The following PRIMPOL variants were observed in gnomAD, a reference collection of about 807,000 sequenced individuals.
PRIMPOL encodes primase and DNA directed polymerase, also known as DNA-directed primase/polymerase protein.
PRIMPOL carries 54 observed loss-of-function variants against 63.6 expected under a neutral mutation model. That is an observed-to-expected ratio of 0.85 (90% CI 0.68 to 1.07). The LOEUF (loss-of-function observed/expected upper bound fraction) is 1.07, where lower values mean the gene tolerates loss of function less well. Among genes scored for constraint, PRIMPOL ranks in the 50% least tolerant of loss-of-function variants. PRIMPOL has a pLI of 0.00. For synonymous variants in PRIMPOL, 197 were observed against 220.2 expected (o/e 0.89, Z 0.93); for missense variants, 610 against 648.3 (o/e 0.94, Z 0.64).
At chr4:184,653,843 A>G (rs951301853) in intron 2 of PRIMPOL, among the ~76,000 whole-genome samples, 1 of 152,210 alleles carries the variant, frequency 6.6e-6, no homozygotes, top group Non-Finnish European at 1.5e-5. Flanking sequence ...GGGATGAGGA[A>G]TGTGATAGTC....
rs560572245 is a variant in PRIMPOL, at chr4:184,678,388, A to T, written c.1001A>T (p.Asn334Ile). Residue 334 changes from asparagine to isoleucine, a missense_variant, in exon 8 of 14, where the codon AAT (asparagine) becomes ATT (isoleucine). Coordinates refer to ENST00000314970, the MANE Select transcript of PRIMPOL (RefSeq NM_152683.4). The part of the protein sequence containing the change: ...YQYFLSSLVS[N>I]VRFSDTLRIL... ...TATTTTCTCTCTTCTTTGGTCAGCA[A>T]TGTCAGGTATGTAGTAGCAGCATCA... 6.2e-7 allele frequency: 1 copy of T among 1,602,428 alleles called. No homozygotes were observed. The highest frequency in any genetic ancestry group is 1.7e-5 in the Admixed American group (1 of 57,670).
chr4:184,672,213 G>T lies in PRIMPOL; in HGVS notation c.597G>T (p.Leu199Phe). 6.2e-7 allele frequency: 1 copy of T among 1,612,572 alleles called. No homozygotes were observed. Among genetic ancestry groups the T allele is most frequent in the African/African-American group, 1.3e-5 (1 of 74,820 alleles). ...LRKILQPALDLLGSEDDDSAP... is the reference protein window; with the variant it reads ...LRKILQPALDFLGSEDDDSAP... ...AAATTTTGCAGCCTGCTCTTGACTT[G>T]CTTGGCAGTGAAGATGATGATAGCG... The change falls in exon 7 of 14, where the codon TTG (leucine) becomes TTT (phenylalanine). Residue 199 changes from leucine (L) to phenylalanine (F), a missense_variant. Around this residue, in one of 3 missense-constraint regions of PRIMPOL, gnomAD observed 444 missense variants for 456.4 expected, o/e 0.97. Coordinates refer to ENST00000314970, the MANE Select transcript of PRIMPOL (RefSeq NM_152683.4).
At chr4:184,690,969 A>G (rs913604687) in intron 11 of PRIMPOL, among the ~76,000 whole-genome samples, 1 of 152,198 alleles carries the variant, frequency 6.6e-6, no homozygotes, top group African/African-American at 2.4e-5. Context: ...TGTGTTCTGT[A>G]TGAAGTGATG....
At chr4:184,694,326 G>C in intron 13 of PRIMPOL, 196 bp from the exon 14 acceptor site, 1 of 1,350,464 alleles carries the variant, frequency 7.4e-7, no homozygotes, top group Non-Finnish European at 9.5e-7. Context: ...AAGTGTGTCT[G>C]AGCTTCAGTG....
chr4:184,667,413 C>T (rs888424430), intron 6 of PRIMPOL, among the ~76,000 whole-genome samples: 7 of 151,742 alleles, frequency 4.6e-5, no homozygotes, highest in African/African-American at 9.7e-5. Context: ...CGGGTTCAAG[C>T]GATTCTCCTG....
intron 6 of PRIMPOL, among the ~76,000 whole-genome samples, chr4:184,671,434 A>G (rs747256173): frequency 6.7e-6 from 1 of 148,944 alleles, no homozygotes; most frequent in Non-Finnish European, 1.5e-5. Context: ...ATAAACCTTC[A>G]TTCTTCATTA....
intron 1 of PRIMPOL, among the ~76,000 whole-genome samples, chr4:184,650,947 G>A (rs925093145): frequency 2.0e-5 from 3 of 152,014 alleles, no homozygotes; most frequent in Admixed American, 2.0e-4. Context: ...CCTCGGGATA[G>A]GAATTCCAAT....
At chr4:184,652,211 T>C (rs559163383) in intron 2 of PRIMPOL, 111 bp downstream of exon 2, 1 of 152,316 alleles carries the variant, frequency 6.6e-6, no homozygotes, top group South Asian at 2.1e-4. Context: ...AGAAATGAAA[T>C]AGGTAAATGA....
chr4:184,675,314 A>T (rs1468040294), intron 7 of PRIMPOL, among the ~76,000 whole-genome samples: 1 of 152,216 alleles, frequency 6.6e-6, no homozygotes, highest in East Asian at 1.9e-4. Context: ...GTATGTTTGG[A>T]TAAATTTTAA....
intron 6 of PRIMPOL, among the ~76,000 whole-genome samples, chr4:184,669,581 T>C (rs1176241536): frequency 6.6e-6 from 1 of 152,170 alleles, no homozygotes; most frequent in African/African-American, 2.4e-5. Flanking sequence ...AAGGAGAGAA[T>C]AGAAATTTGT....
At chr4:184,692,230 T>C (rs1758778628) in intron 13 of PRIMPOL, among the ~76,000 whole-genome samples, 1 of 152,042 alleles carries the variant, frequency 6.6e-6, no homozygotes, top group African/African-American at 2.4e-5. Flanking sequence ...TCCCAGCACT[T>C]TGAGAGGCTG....
At chr4:184,655,196 G>A (rs1745981293) in intron 2 of PRIMPOL, among the ~76,000 whole-genome samples, 2 of 151,898 alleles carry the variant, frequency 1.3e-5, no homozygotes, top group Admixed American at 1.3e-4. Context: ...TTTTAGTAGA[G>A]ACGGGGTTTC....
chr4:184,685,785 T>A, intron 11 of PRIMPOL, 101 bp downstream of exon 11: 2 of 584,566 alleles, frequency 3.4e-6, no homozygotes, highest in East Asian at 3.4e-5. Context: ...GTTTTAAAAA[T>A]AAATTTAGTT....
intron 6 of PRIMPOL, among the ~76,000 whole-genome samples, chr4:184,670,931 T>C (rs72689269): frequency 0.13 from 19,884 of 152,208 alleles, 1,397 homozygotes; most frequent in Middle Eastern, 0.17. Flanking sequence ...GGGCCCAAGC[T>C]TTCTGGTAAA....
At position 184,672,205 on chromosome 4, in the gene PRIMPOL, C is replaced by G; in HGVS notation, c.589C>G (p.Leu197Val). 1 of 1,610,670 alleles carries G rather than the reference C, an allele frequency of 6.2e-7. No homozygotes were observed. Reference sequence around the variant, plus strand: ...TTTGAGAAAAATTTTGCAGCCTGCTCTTGACTTGCTTGGCAGTGAAGATGA... The same window carrying G: ...TTTGAGAAAAATTTTGCAGCCTGCTGTTGACTTGCTTGGCAGTGAAGATGA... ...NFLRKILQPALDLLGSEDDDS... is the reference protein window; with the variant it reads ...NFLRKILQPAVDLLGSEDDDS... Residue 197 changes from leucine (L) to valine (V), a missense_variant, in exon 7 of 14, where the codon CTT becomes GTT. Coordinates refer to ENST00000314970, the MANE Select transcript of PRIMPOL (RefSeq NM_152683.4).
chr4:184,658,033 A>AATAAATAAATAC (rs1323879634), intron 3 of PRIMPOL, among the ~76,000 whole-genome samples: 1 of 145,014 alleles, frequency 6.9e-6, no homozygotes, highest in African/African-American at 2.7e-5. Flanking sequence ...TAAATAAATA[A>AATAAATAAATAC]ATATCACTAA....
At chr4:184,654,373 C>A (rs73873013) in intron 2 of PRIMPOL, among the ~76,000 whole-genome samples, 1 of 150,842 alleles carries the variant, frequency 6.6e-6, no homozygotes, top group African/African-American at 2.4e-5. Flanking sequence ...TTTAGCTGCA[C>A]GTGAAGCAGA....
At chr4:184,653,499 A>C (rs897383768) in intron 2 of PRIMPOL, among the ~76,000 whole-genome samples, 1 of 151,658 alleles carries the variant, frequency 6.6e-6, no homozygotes, top group African/African-American at 2.4e-5. Flanking sequence ...AATAATAGAA[A>C]CTCTTTGAGC....
intron 11 of PRIMPOL, among the ~76,000 whole-genome samples, 179 bp downstream of exon 11, chr4:184,685,863 G>A (rs183074404): frequency 9.9e-5 from 15 of 151,936 alleles, no homozygotes; most frequent in African/African-American, 2.7e-4. Context: ...GTACAGTGGC[G>A]CGATCGCGGC....
Sources: allele counts gnomAD v4.1 joint callset (sites outside exome capture counted in the v4.1 genomes callset), GRCh38; gene constraint gnomAD v4.1.1; regional missense constraint gnomAD v4.1.1; transcripts MANE v1.5; gene names NCBI Gene and HGNC (gene_info 2026-07-23, HGNC 2026-07-21).